Variants in DPF1 observed in about 807,000 individuals in gnomAD.
DPF1 encodes zinc finger protein neuro-d4.
A neutral mutation model predicts 58.7 loss-of-function variants in DPF1; 14 were observed. The ratio of observed to expected loss-of-function variants is 0.24; its 90% confidence interval spans 0.16 to 0.37. The LOEUF is 0.37. DPF1 is among the 10% of genes least tolerant of loss of function. The probability of loss-of-function intolerance (pLI) is 1.00; values close to 1 mark genes in which losing one functional copy is unlikely to be tolerated. For missense variants in DPF1, 345 were observed against 529.9 expected, an observed-to-expected ratio of 0.65 and a Z score of 3.43; for synonymous variants, 216 against 216.0, an observed-to-expected ratio of 1.00 and a Z score of 0.00.
In DPF1 at chr19:38,222,510, GGCCCC is replaced by G; in HGVS notation, c.190+33_190+37del. 1 of 1,600,480 alleles carries G rather than the reference GGCCCC, an allele frequency of 6.2e-7. No homozygotes were observed. The highest frequency in any genetic ancestry group is 1.7e-5 in the Admixed American group (1 of 57,558). ...GAGGGCGGCGGCGGTGGGGCGGCCT[GGCCCC>G]GCCCCGCCCTGCGCCAGCCCTCCCG... is the stretch of plus-strand genomic sequence containing the variant. On this transcript the variant is annotated intron_variant, in intron 2 of 11. Transcript: ENST00000355526. This position sits in a 1 kb window ranked among gnomAD's most constrained non-coding sequence, Gnocchi z 4.9.
chr19:38,214,408 A>G (rs1973700474), intron 9 of DPF1, among the ~76,000 whole-genome samples: 1 of 152,076 alleles, frequency 6.6e-6, no homozygotes, highest in African/African-American at 2.4e-5. Flanking sequence ...TCACAACTAC[A>G]TTCCATTATA....
upstream of DPF1, among the ~76,000 whole-genome samples, chr19:38,225,146 A>C (rs1466397260): frequency 6.6e-6 from 1 of 152,210 alleles, no homozygotes; most frequent in Non-Finnish European, 1.5e-5. Context: ...CAGGAGGCTG[A>C]GGCAGGAGAA....
chr19:38,218,749 G>T, intron 4 of DPF1, 87 bp from the exon 5 acceptor site: 1 of 1,552,996 alleles, frequency 6.4e-7, no homozygotes, highest in Non-Finnish European at 8.9e-7. Context: ...GGAGATTGGG[G>T]GTGAGAGTAT....
At chr19:38,216,732 A>G (rs1967050871) in intron 7 of DPF1, among the ~76,000 whole-genome samples, 2 of 152,184 alleles carry the variant, frequency 1.3e-5, no homozygotes, top group African/African-American at 4.8e-5. Context: ...GCACCCAGCC[A>G]GGATTCCCAA....
chr19:38,212,284 C>A lies in DPF1; in HGVS notation c.1089G>T (p.Pro363=). The change falls in exon 11 of 12, where the codon CCG becomes CCT. Residue 363 remains proline (P), a synonymous_variant. Transcript: ENST00000355526. ...YCLSPPMAEP[P]EGSWSCHLCL... ...GATGCCCACCTCTCCTCTCACCTTCCGGGGGCTCCGCCATGGGGGGACTCA... is the reference window on the plus strand; with the variant it reads ...GATGCCCACCTCTCCTCTCACCTTCAGGGGGCTCCGCCATGGGGGGACTCA... The A allele has an allele frequency of 2.0e-6, 3 of 1,529,372 alleles. No homozygotes were observed. The highest frequency in any genetic ancestry group is 2.6e-6 in the Non-Finnish European group (3 of 1,137,086). 94.7% of individuals were successfully genotyped at this position (1,529,372 alleles called of 1,614,324 possible).
intron 7 of DPF1, 186 bp downstream of exon 7, chr19:38,217,274 G>A (rs1221524339): frequency 1.3e-5 from 9 of 714,278 alleles, no homozygotes; most frequent in South Asian, 9.5e-5. Flanking sequence ...GGCCAGGAGC[G>A]AAGGAGCGAT....
At position 38,211,935 on chromosome 19, in the gene DPF1, G is replaced by T. The variant is rs1973453938; in HGVS notation, c.*128C>A. ...CCACTTGCACAGAGGGGAGGGGGTG[G>T]CCCAGCCCCCTCTCGGCTTCCCCCT... On this transcript the variant is annotated 3_prime_UTR_variant, in exon 12 of 12. Coordinates refer to ENST00000355526, the MANE Select transcript of DPF1 (RefSeq NM_001135155.3). The surrounding 1 kb of genome is among the most constrained non-coding windows in gnomAD (Gnocchi z 4.0). The T allele has an allele frequency of 1.9e-6, 2 of 1,049,034 alleles. No individual in the cohort carries two copies. The highest frequency in any genetic ancestry group is 2.8e-6 in the Non-Finnish European group (2 of 715,040). 65.0% of individuals were successfully genotyped at this position (1,049,034 alleles called of 1,614,324 possible).
At chr19:38,220,779 C>G (rs1251891703) in intron 3 of DPF1, among the ~76,000 whole-genome samples, 2 of 152,132 alleles carry the variant, frequency 1.3e-5, no homozygotes, top group Non-Finnish European at 2.9e-5. Flanking sequence ...TAGATACACA[C>G]AAACACACAC....
At chr19:38,227,037 T>TTCCTTC (rs1568325406), upstream of DPF1, among the ~76,000 whole-genome samples, 131 of 122,004 alleles carry the variant, frequency 1.1e-3, no homozygotes, top group Non-Finnish European at 1.9e-3. Flanking sequence ...TTCCTTCCTT[T>TTCCTTC]CTTTCTTTCT....
chr19:38,215,987 T>C (rs1378092609), intron 9 of DPF1, among the ~76,000 whole-genome samples, 153 bp downstream of exon 9: 1 of 152,224 alleles, frequency 6.6e-6, no homozygotes, highest in African/African-American at 2.4e-5. Context: ...TCCTCAGCAG[T>C]TGCATCAGCC....
rs1164592091 is a variant in DPF1 at position 38,218,913 on chromosome 19, C to T, written c.426+18G>A. ...GAGACGAAGCCATGCAGCGGGGGTC[C>T]CCCAGAGGTGGGCCCACCTGACAGT... On this transcript the variant is annotated intron_variant, in intron 4 of 11. Transcript: ENST00000355526. 1.2e-6 allele frequency: 2 copies of T among 1,613,378 alleles called. No individual in the cohort carries two copies. The highest frequency in any genetic ancestry group is 1.3e-5 in the African/African-American group (1 of 74,930).
At chr19:38,223,795 A>T in intron 1 of DPF1, 1 of 266,880 alleles carries the variant, frequency 3.7e-6, no homozygotes, top group Non-Finnish European at 7.1e-6. Flanking sequence ...TGTGGACTTC[A>T]CTCCAGTTGC....
chr19:38,215,197 G>C (rs35088332), intron 9 of DPF1, among the ~76,000 whole-genome samples: 1 of 151,076 alleles, frequency 6.6e-6, no homozygotes, highest in East Asian at 2.0e-4. Context: ...AAAACTCCCA[G>C]ATTCAAGGGG....
At chr19:38,212,504 G>A in intron 10 of DPF1, 143 bp from the exon 11 acceptor site, 1 of 542,660 alleles carries the variant, frequency 1.8e-6, no homozygotes, top group Non-Finnish European at 3.3e-6. Context: ...CTTTGCAGCA[G>A]GAAATGTGTG....
rs367903568 is a variant in DPF1 at position 38,216,414 on chromosome 19, G to A, written c.728-11C>T. 53 of 1,575,606 alleles carry A rather than the reference G, an allele frequency of 3.4e-5. No homozygotes were observed. Among genetic ancestry groups the A allele is most frequent in the Non-Finnish European group, 4.2e-5 (49 of 1,160,960 alleles). On this transcript the variant is annotated splice_polypyrimidine_tract_variant and intron_variant, in intron 7 of 11. Transcript: ENST00000355526. ...ATTCTTTGTAAAACTCTGGGGTAGGGGGGACAGAGAGAGGGACTCTCACCA... is the reference window on the plus strand; with the variant it reads ...ATTCTTTGTAAAACTCTGGGGTAGGAGGGACAGAGAGAGGGACTCTCACCA...
chr19:38,215,749 T>C (rs900873606), intron 9 of DPF1, among the ~76,000 whole-genome samples: 3 of 152,140 alleles, frequency 2.0e-5, no homozygotes, highest in African/African-American at 7.2e-5. Context: ...TTAAATTTTT[T>C]GTAGAGATGG....
chr19:38,219,730 C>A (rs1363909631), intron 3 of DPF1: 3 of 152,520 alleles, frequency 2.0e-5, no homozygotes, highest in Non-Finnish European at 2.9e-5. Flanking sequence ...TCAAGCGATC[C>A]TCTGCCTCGG....
chr19:38,213,373 G>A (rs868184030), intron 10 of DPF1, among the ~76,000 whole-genome samples: 2 of 152,338 alleles, frequency 1.3e-5, no homozygotes, highest in Middle Eastern at 6.8e-3. Context: ...CTAGCTGGCT[G>A]ACCCTGGGCA....
rs137972996 is a variant in DPF1 at position 38,218,994 on chromosome 19, C to A, written c.363G>T (p.Leu121=). ...LPEGPVLEAL[L]CAETGEKKIE... ...TCTTCTTCTCCCCCGTCTCTGCACA[C>A]AGTAGAGCCTCGAGGACCGGCCCTT... The change falls in exon 4 of 12, where the codon CTG becomes CTT. Residue 121 remains leucine, a synonymous_variant. Coordinates refer to ENST00000355526, the MANE Select transcript of DPF1 (RefSeq NM_001135155.3). 6.2e-7 allele frequency: 1 copy of A among 1,614,228 alleles called. No homozygotes were observed. Among genetic ancestry groups the A allele is most frequent in the Non-Finnish European group, 8.5e-7 (1 of 1,180,038 alleles).
Sources: gnomAD v4.1 joint callset for allele counts (sites outside exome capture counted in the v4.1 genomes callset) on GRCh38, gnomAD v4.1.1 for gene constraint, Gnocchi (gnomAD v3.1) non-coding constraint, MANE v1.5 for transcripts, NCBI Gene and HGNC (gene_info 2026-07-23, HGNC 2026-07-21) for gene names.